Variants in FRMD4A observed in about 807,000 individuals in gnomAD.
FRMD4A encodes FERM domain-containing protein 4A.
Under a neutral mutation model 129.1 loss-of-function variants are expected in FRMD4A, and 29 were observed. The ratio of observed to expected loss-of-function variants is 0.22; its 90% CI spans 0.17 to 0.31. The LOEUF is 0.31. Ranked by LOEUF, FRMD4A falls within the 10% of genes least tolerant of loss-of-function variation. The pLI, the probability that FRMD4A is intolerant of heterozygous loss-of-function variation, is 1.00. For synonymous variants in FRMD4A, 634 were observed against 571.6 expected (o/e 1.11, Z -1.56); for missense variants, 1,272 against 1,375.8 (o/e 0.92, Z 1.19).
chr10:14,033,085 T>A (rs538733659), intron 2 of FRMD4A, among the ~76,000 whole-genome samples: 37 of 152,254 alleles, frequency 2.4e-4, no homozygotes, highest in Admixed American at 2.2e-3. Flanking sequence ...GGTGGGCGGA[T>A]CACCTGAGGT....
chr10:14,237,361 C>T (rs996785510), intron 2 of FRMD4A, among the ~76,000 whole-genome samples: 1 of 152,068 alleles, frequency 6.6e-6, no homozygotes, highest in Non-Finnish European at 1.5e-5. Context: ...GATGGTGTCA[C>T]ACTCTGTCGC....
intron 3 of FRMD4A, among the ~76,000 whole-genome samples, chr10:13,852,259 T>C (rs1368897672): frequency 1.3e-5 from 2 of 152,094 alleles, no homozygotes; most frequent in African/African-American, 4.8e-5. Context: ...ATTTTTTTTT[T>C]TTTGAGATGG....
intron 2 of FRMD4A, among the ~76,000 whole-genome samples, chr10:13,895,826 AAAAC>A (rs1338976787): frequency 2.6e-5 from 4 of 152,230 alleles, no homozygotes; most frequent in Admixed American, 6.5e-5. Flanking sequence ...TTACAAGAAA[AAAAC>A]AAACAAGCCC....
At chr10:14,288,991 A>G (rs1291111795) in intron 2 of FRMD4A, among the ~76,000 whole-genome samples, 1 of 152,192 alleles carries the variant, frequency 6.6e-6, no homozygotes, top group Non-Finnish European at 1.5e-5. Flanking sequence ...ATTCCAGTAT[A>G]TGTATATACT....
intron 2 of FRMD4A, among the ~76,000 whole-genome samples, chr10:13,910,872 C>T (rs1201669570): frequency 8.1e-6 from 1 of 122,828 alleles, no homozygotes; most frequent in Non-Finnish European, 1.6e-5. Context: ...TCCTGTTAAG[C>T]CTCTGGGAGT....
At chr10:13,999,850 G>A (rs2095635364) in intron 2 of FRMD4A, among the ~76,000 whole-genome samples, 1 of 152,314 alleles carries the variant, frequency 6.6e-6, no homozygotes, top group African/African-American at 2.4e-5. Context: ...TGACACGGAT[G>A]TTCGTCTGCA....
chr10:14,134,488 T>C (rs1169016735), intron 2 of FRMD4A, among the ~76,000 whole-genome samples: 1 of 148,596 alleles, frequency 6.7e-6, no homozygotes, highest in Non-Finnish European at 1.5e-5. Context: ...GATATGTGGA[T>C]ATATGGGGGG....
chr10:13,863,980 C>CTCTCTCTCTTTCTT (rs1346754926), intron 2 of FRMD4A, among the ~76,000 whole-genome samples: 3 of 152,026 alleles, frequency 2.0e-5, no homozygotes, highest in African/African-American at 7.2e-5. Flanking sequence ...AGTCTTTTCT[C>CTCTCTCTCTTTCTT]TCTCTCTCTT....
chr10:13,892,950 A>G (rs1424800474), intron 2 of FRMD4A, among the ~76,000 whole-genome samples: 3 of 152,190 alleles, frequency 2.0e-5, no homozygotes, highest in Non-Finnish European at 4.4e-5. Context: ...AAAAGGCCTC[A>G]CCATCAATAG....
chr10:13,796,162 C>G (rs1332974239), intron 5 of FRMD4A, among the ~76,000 whole-genome samples: 4 of 152,080 alleles, frequency 2.6e-5, no homozygotes, highest in African/African-American at 9.7e-5. Flanking sequence ...CAAATTGCCC[C>G]CAGAAAAGAA....
intron 2 of FRMD4A, among the ~76,000 whole-genome samples, chr10:14,278,250 A>G (rs978013418): frequency 2.6e-5 from 4 of 152,154 alleles, no homozygotes; most frequent in African/African-American, 9.7e-5. Context: ...AAGATATAAC[A>G]GCTGAGGGCA....
At chr10:14,258,023 T>C (rs1340778579) in intron 2 of FRMD4A, among the ~76,000 whole-genome samples, 1 of 152,126 alleles carries the variant, frequency 6.6e-6, no homozygotes, top group Non-Finnish European at 1.5e-5. Context: ...TTGACTATTA[T>C]CTTACACTAT....
chr10:14,063,084 A>G (rs1400136470), intron 2 of FRMD4A, among the ~76,000 whole-genome samples: 2 of 152,216 alleles, frequency 1.3e-5, no homozygotes, highest in Non-Finnish European at 2.9e-5. Flanking sequence ...GAAACACTTA[A>G]TATGGGCCAG....
At chr10:13,722,455 A>G (rs2089513010) in intron 12 of FRMD4A, among the ~76,000 whole-genome samples, 1 of 150,078 alleles carries the variant, frequency 6.7e-6, no homozygotes, top group Non-Finnish European at 1.5e-5. Flanking sequence ...TATGTTGTCC[A>G]GGATGGTCTT....
chr10:13,697,762 C>T (rs1057493102), intron 14 of FRMD4A, among the ~76,000 whole-genome samples: 5 of 152,160 alleles, frequency 3.3e-5, no homozygotes, highest in African/African-American at 4.8e-5. Flanking sequence ...GAAGGAAAGA[C>T]GTTTGGATTG....
chr10:13,800,995 T>C (rs1282860326), intron 4 of FRMD4A, among the ~76,000 whole-genome samples: 1 of 152,182 alleles, frequency 6.6e-6, no homozygotes, highest in Non-Finnish European at 1.5e-5. Context: ...ATGCCTGTAA[T>C]CCCAGCACTT....
At chr10:14,174,164 G>C (rs1841612986) in intron 2 of FRMD4A, among the ~76,000 whole-genome samples, 2 of 151,944 alleles carry the variant, frequency 1.3e-5, no homozygotes, top group African/African-American at 4.8e-5. Context: ...CCTCTCCCGG[G>C]TGGCGCCTCT....
At chr10:14,231,130 T>G (rs1843624987) in intron 2 of FRMD4A, among the ~76,000 whole-genome samples, 1 of 152,164 alleles carries the variant, frequency 6.6e-6, no homozygotes, top group Non-Finnish European at 1.5e-5. Flanking sequence ...TTCCTTTGGA[T>G]GTATATCCAG....
intron 2 of FRMD4A, among the ~76,000 whole-genome samples, chr10:14,217,891 C>G (rs980546319): frequency 2.6e-5 from 4 of 151,838 alleles, no homozygotes; most frequent in Non-Finnish European, 5.9e-5. Context: ...AGTGCAGTGG[C>G]ACTATCTCAG....
Sources: gnomAD v4.1 joint callset for allele counts (sites outside exome capture counted in the v4.1 genomes callset) on GRCh38, gnomAD v4.1.1 for gene constraint, MANE v1.5 for transcripts, NCBI Gene and HGNC (gene_info 2026-07-23, HGNC 2026-07-21) for gene names.